The following SRBD1 variants were observed in gnomAD, a reference collection of about 807,000 sequenced individuals.
SRBD1 encodes S1 RNA-binding domain-containing protein 1.
A neutral mutation model predicts 115.3 loss-of-function variants in SRBD1; 88 were observed. The observed-to-expected ratio is 0.76, with a 90% confidence interval of 0.64 to 0.91. The LOEUF is 0.91. Among genes scored for constraint, SRBD1 ranks in the 40% least tolerant of loss-of-function variants. The pLI is 0.00. For missense variants in SRBD1, 1,385 were observed against 1,177.4 expected (o/e 1.18, Z -2.58); for synonymous variants, 509 against 407.7 (o/e 1.25, Z -2.99).
chr2:45,493,428 G>A (rs1428789366), intron 14 of SRBD1, among the ~76,000 whole-genome samples: 3 of 152,106 alleles, frequency 2.0e-5, no homozygotes, highest in Admixed American at 6.5e-5. Context: ...TTACTTCTAA[G>A]AAAATATCAA....
At chr2:45,401,346 CTCTTT>C (rs1667287504) in intron 19 of SRBD1, among the ~76,000 whole-genome samples, 1 of 152,124 alleles carries the variant, frequency 6.6e-6, no homozygotes, top group South Asian at 2.1e-4. Context: ...GGTTTGGCCT[CTCTTT>C]TATGATGCTA....
chr2:45,568,029 A>T (rs1266691438), intron 9 of SRBD1: 11 of 152,212 alleles, frequency 7.2e-5, no homozygotes, highest in Non-Finnish European at 1.2e-4. Context: ...ATTGAAAGTG[A>T]GTAGTGGGTT....
rs747949767 is a variant in SRBD1 at position 45,389,297 on chromosome 2, C to T, written c.*13G>A. On this transcript the variant is annotated 3_prime_UTR_variant, in exon 21 of 21. Coordinates refer to ENST00000263736, the MANE Select transcript of SRBD1 (RefSeq NM_018079.5). ...TGAGAAAATAAAATCAGCGTCTGGC[C>T]TTCGTGGGATACTCATAACACCCGA... 5 of 1,606,808 alleles carry T rather than the reference C, an allele frequency of 3.1e-6. No homozygotes were observed. Among genetic ancestry groups the T allele is most frequent in the Admixed American group, 1.7e-5 (1 of 59,372 alleles).
At chr2:45,456,110 C>A (rs1669144540) in intron 16 of SRBD1, among the ~76,000 whole-genome samples, 1 of 151,776 alleles carries the variant, frequency 6.6e-6, no homozygotes, top group African/African-American at 2.4e-5. Context: ...TTTTCTGAGT[C>A]CCCAGAATAT....
intron 19 of SRBD1, among the ~76,000 whole-genome samples, chr2:45,407,734 G>A (rs1367168284): frequency 6.6e-6 from 1 of 152,042 alleles, no homozygotes; most frequent in East Asian, 1.9e-4. Flanking sequence ...AAAAGTTTTA[G>A]TTCATAACAA....
At chr2:45,610,876 C>A (rs891955822) in intron 1 of SRBD1, among the ~76,000 whole-genome samples, 1 of 151,270 alleles carries the variant, frequency 6.6e-6, no homozygotes, top group Non-Finnish European at 1.5e-5. Context: ...TGCAGTGAGC[C>A]GAGATCGCTC....
chr2:45,531,615 T>C (rs1671614307), intron 14 of SRBD1, among the ~76,000 whole-genome samples: 1 of 151,784 alleles, frequency 6.6e-6, no homozygotes, highest in South Asian at 2.1e-4. Flanking sequence ...TTAAATATTT[T>C]TTTCTTAAGT....
intron 16 of SRBD1, among the ~76,000 whole-genome samples, chr2:45,463,706 A>G (rs1218979782): frequency 6.6e-6 from 1 of 152,214 alleles, no homozygotes; most frequent in Non-Finnish European, 1.5e-5. Flanking sequence ...ACATATAATT[A>G]TATCCCAAAA....
At chr2:45,550,697 G>A (rs766258665) in intron 12 of SRBD1, among the ~76,000 whole-genome samples, 11 of 151,934 alleles carry the variant, frequency 7.2e-5, no homozygotes, top group Non-Finnish European at 1.3e-4. Context: ...ATGGAAGCAC[G>A]GAAATGCAAA....
chr2:45,608,668 T>G (rs2104273692), intron 1 of SRBD1, among the ~76,000 whole-genome samples: 1 of 152,328 alleles, frequency 6.6e-6, no homozygotes, highest in Non-Finnish European at 1.5e-5. Context: ...TGCCTGTCTC[T>G]GAAACTATTT....
chr2:45,510,747 A>T (rs1186802377), intron 14 of SRBD1, among the ~76,000 whole-genome samples: 1 of 152,244 alleles, frequency 6.6e-6, no homozygotes, highest in African/African-American at 2.4e-5. Context: ...TCCAAAGAGT[A>T]GCTACCAATT....
chr2:45,539,928 G>C (rs1671881141), intron 14 of SRBD1, among the ~76,000 whole-genome samples: 1 of 152,088 alleles, frequency 6.6e-6, no homozygotes, highest in African/African-American at 2.4e-5. Context: ...ATTGTAAAAT[G>C]CAAAATTTAA....
intron 14 of SRBD1, among the ~76,000 whole-genome samples, chr2:45,505,822 C>G (rs1358440813): frequency 2.0e-5 from 3 of 151,924 alleles, no homozygotes; most frequent in African/African-American, 7.3e-5. Context: ...AAAACCATGA[C>G]TTAGGAAAAA....
At chr2:45,488,513 TG>T (rs1203938602) in intron 14 of SRBD1, among the ~76,000 whole-genome samples, 182 bp from the exon 15 acceptor site, 44 of 152,246 alleles carry the variant, frequency 2.9e-4, no homozygotes. Flanking sequence ...ATGCAGTGTT[TG>T]TTTTTTTCAC....
At chr2:45,420,179 A>G (rs1667954336) in intron 16 of SRBD1, among the ~76,000 whole-genome samples, 1 of 152,196 alleles carries the variant, frequency 6.6e-6, no homozygotes, top group African/African-American at 2.4e-5. Flanking sequence ...GCTTGCATTA[A>G]AATCACCTGT....
chr2:45,516,351 C>T (rs1054002939), intron 14 of SRBD1, among the ~76,000 whole-genome samples: 2 of 152,108 alleles, frequency 1.3e-5, no homozygotes, highest in Admixed American at 1.3e-4. Flanking sequence ...CCTGCCCCCA[C>T]AAAAATCCAC....
At chr2:45,420,194 C>G (rs1191103456) in intron 16 of SRBD1, among the ~76,000 whole-genome samples, 1 of 152,172 alleles carries the variant, frequency 6.6e-6, no homozygotes, top group Non-Finnish European at 1.5e-5. Context: ...ACCTGTATGG[C>G]TTGGTAACAC....
At chr2:45,607,704 C>A (rs1182234138) in intron 1 of SRBD1, among the ~76,000 whole-genome samples, 1 of 152,106 alleles carries the variant, frequency 6.6e-6, no homozygotes, top group African/African-American at 2.4e-5. Flanking sequence ...TGTGTATAAA[C>A]TGACAAAGGA....
intron 17 of SRBD1, 50 bp downstream of exon 17, chr2:45,419,738 A>C (rs1667940885): frequency 6.5e-7 from 1 of 1,537,754 alleles, no homozygotes; most frequent in African/African-American, 1.4e-5. Flanking sequence ...TGGACTGGAC[A>C]GCCAGTTAAA....
Sources: gnomAD v4.1 joint callset for allele counts (sites outside exome capture counted in the v4.1 genomes callset) on GRCh38, gnomAD v4.1.1 for gene constraint, MANE v1.5 for transcripts, NCBI Gene and HGNC (gene_info 2026-07-23, HGNC 2026-07-21) for gene names.